Variants in PCDH15 observed in about 807,000 individuals in gnomAD.
PCDH15 encodes protocadherin-15.
In PCDH15, 129 loss-of-function variants were observed where a neutral mutation model predicts 178.5. The ratio of observed to expected loss-of-function variants is 0.72; its 90% CI spans 0.63 to 0.84. The LOEUF (loss-of-function observed/expected upper bound fraction) is 0.84. PCDH15 is among the 40% of genes least tolerant of loss of function. PCDH15 has a pLI of 0.00. For synonymous variants in PCDH15, 800 were observed against 732.0 expected, an observed-to-expected ratio of 1.09 and a Z score of -1.50; for missense variants, 2,230 against 2,099.9, an observed-to-expected ratio of 1.06 and a Z score of -1.21.
intron 3 of PCDH15, among the ~76,000 whole-genome samples, chr10:54,470,745 C>T (rs760080279): frequency 6.6e-6 from 1 of 152,116 alleles, no homozygotes; most frequent in Non-Finnish European, 1.5e-5. Context: ...TGTAGCCAAG[C>T]GGGCTGCCTC....
chr10:55,602,987 T>C (rs1340123829), intron 2 of PCDH15, among the ~76,000 whole-genome samples: 1 of 152,008 alleles, frequency 6.6e-6, no homozygotes, highest in Non-Finnish European at 1.5e-5. Context: ...TTGAGAACTT[T>C]GAAAAAAATT....
intron 3 of PCDH15, among the ~76,000 whole-genome samples, chr10:54,464,252 G>A (rs2077379195): frequency 6.6e-6 from 1 of 152,078 alleles, no homozygotes; most frequent in South Asian, 2.1e-4. Flanking sequence ...TGCAACAAGG[G>A]CACAGTTGGG....
At chr10:54,150,277 A>G (rs2044390264) in intron 14 of PCDH15, among the ~76,000 whole-genome samples, 1 of 152,136 alleles carries the variant, frequency 6.6e-6, no homozygotes, top group African/African-American at 2.4e-5. Context: ...TAGTTTAAAA[A>G]TGTAAATGAG....
At chr10:54,004,775 G>A (rs1026611951) in intron 20 of PCDH15, among the ~76,000 whole-genome samples, 1 of 151,152 alleles carries the variant, frequency 6.6e-6, no homozygotes, top group African/African-American at 2.4e-5. Flanking sequence ...AAATACCAAT[G>A]ACATTCTTCA....
At chr10:54,213,756 G>C (rs2051699618) in intron 10 of PCDH15, among the ~76,000 whole-genome samples, 180 bp downstream of exon 10, 1 of 152,114 alleles carries the variant, frequency 6.6e-6, no homozygotes, top group Non-Finnish European at 1.5e-5. Flanking sequence ...TTATTTTAGA[G>C]AAAAGCAATG....
intron 2 of PCDH15, among the ~76,000 whole-genome samples, chr10:54,530,899 A>C (rs1340156349): frequency 6.6e-6 from 1 of 152,232 alleles, no homozygotes; most frequent in East Asian, 1.9e-4. Flanking sequence ...TTGTTTTTAA[A>C]CGATGCATTC....
intron 2 of PCDH15, among the ~76,000 whole-genome samples, chr10:55,360,494 CAT>C (rs1475722198): frequency 6.6e-6 from 1 of 151,746 alleles, no homozygotes; most frequent in Non-Finnish European, 1.5e-5. Context: ...ATCTAGGAAA[CAT>C]ATGTAACAAC....
intron 2 of PCDH15, among the ~76,000 whole-genome samples, chr10:55,581,086 G>C (rs1842605180): frequency 1.3e-5 from 2 of 152,162 alleles, no homozygotes; most frequent in South Asian, 4.1e-4. Flanking sequence ...ACAATATTTT[G>C]AATGTACATA....
intron 1 of PCDH15, among the ~76,000 whole-genome samples, chr10:54,764,853 T>G (rs1948318287): frequency 6.6e-6 from 1 of 152,120 alleles, no homozygotes; most frequent in Non-Finnish European, 1.5e-5. Flanking sequence ...ACTGTTGCCC[T>G]CAAAGAGCCT....
chr10:54,129,636 G>C (rs1292875335), intron 15 of PCDH15, among the ~76,000 whole-genome samples: 2 of 152,148 alleles, frequency 1.3e-5, no homozygotes, highest in African/African-American at 2.4e-5. Context: ...AGATGTGCCT[G>C]ACCGCATATT....
In PCDH15 at chr10:54,636,740, C is replaced by G. The variant is rs1027998946; in HGVS notation, c.91+27432G>C. ...TTTCTAGAGCTAATGACTGATATGA[C>G]AGAAGAGGCAAACAATCCCAAATCT... On this transcript the variant is annotated intron_variant, in intron 2 of 37. Coordinates refer to ENST00000644397, the MANE Select transcript of PCDH15 (RefSeq NM_001384140.1). 5.3e-5 allele frequency among the ~76,000 whole-genome samples: 8 copies of G among 152,066 alleles called. No individual in the cohort carries two copies. The East Asian group carries it at 1.5e-3, about 29-fold the overall frequency.
At chr10:55,031,714 G>C (rs1323411093) in intron 2 of PCDH15, among the ~76,000 whole-genome samples, 1 of 152,148 alleles carries the variant, frequency 6.6e-6, no homozygotes, top group African/African-American at 2.4e-5. Context: ...GTTTGACTAA[G>C]GCAGTTTGTC....
intron 2 of PCDH15, among the ~76,000 whole-genome samples, chr10:54,620,066 G>A (rs2093308515): frequency 6.6e-6 from 1 of 152,040 alleles, no homozygotes; most frequent in African/African-American, 2.4e-5. Flanking sequence ...CCCTTTTAAA[G>A]ATATATTGTT....
intron 16 of PCDH15, among the ~76,000 whole-genome samples, chr10:54,081,234 T>C (rs1490993130): frequency 6.6e-6 from 1 of 152,020 alleles, no homozygotes; most frequent in Non-Finnish European, 1.5e-5. Context: ...TTCCTCAGCA[T>C]GTTCAGAATT....
chr10:54,047,194 T>C (rs958959974), intron 18 of PCDH15, among the ~76,000 whole-genome samples: 3 of 152,120 alleles, frequency 2.0e-5, no homozygotes, highest in East Asian at 1.9e-4. Flanking sequence ...TTCAAATACA[T>C]GACCAAATAG....
At chr10:55,409,975 A>G (rs1348651117) in intron 2 of PCDH15, among the ~76,000 whole-genome samples, 2 of 152,154 alleles carry the variant, frequency 1.3e-5, no homozygotes, top group Non-Finnish European at 2.9e-5. Context: ...CAAAAACTGA[A>G]ATGATATTTC....
intron 10 of PCDH15, among the ~76,000 whole-genome samples, chr10:54,209,412 G>A (rs2051167314): frequency 6.6e-6 from 1 of 152,074 alleles, no homozygotes; most frequent in Admixed American, 6.6e-5. Context: ...GATGAGCAGA[G>A]TTGAGATATT....
chr10:54,931,094 A>G (rs1243603047), intron 2 of PCDH15, among the ~76,000 whole-genome samples: 1 of 152,164 alleles, frequency 6.6e-6, no homozygotes, highest in Non-Finnish European at 1.5e-5. Context: ...TCAAATAACA[A>G]CTTCATGTTT....
At chr10:54,085,658 A>C (rs929729256) in intron 16 of PCDH15, among the ~76,000 whole-genome samples, 1 of 152,128 alleles carries the variant, frequency 6.6e-6, no homozygotes, top group Non-Finnish European at 1.5e-5. Flanking sequence ...TGTATTACCA[A>C]TGTTTGTGAT....
Sources: allele counts gnomAD v4.1 joint callset (sites outside exome capture counted in the v4.1 genomes callset), GRCh38; gene constraint gnomAD v4.1.1; transcripts MANE v1.5; gene names NCBI Gene and HGNC (gene_info 2026-07-23, HGNC 2026-07-21).